Variants in ATP9B observed in about 807,000 individuals in gnomAD.
The protein encoded by ATP9B is probable phospholipid-transporting ATPase IIB.
ATP9B carries 110 observed loss-of-function variants against 146.1 expected under a neutral mutation model. The observed-to-expected ratio is 0.75, with a 90% confidence interval of 0.65 to 0.88. The LOEUF is 0.88. ATP9B is among the 40% of genes least tolerant of loss of function. ATP9B has a pLI of 0.00. For missense variants in ATP9B, 1,499 were observed against 1,496.4 expected (o/e 1.00, Z -0.03); for synonymous variants, 604 against 569.7 (o/e 1.06, Z -0.86).
At chr18:79,186,981 TC>T (rs1414682453) in intron 8 of ATP9B, among the ~76,000 whole-genome samples, 4 of 152,204 alleles carry the variant, frequency 2.6e-5, no homozygotes, top group Non-Finnish European at 5.9e-5. Flanking sequence ...GGGTCTGAGT[TC>T]CTGCTCCCGC....
chr18:79,070,158 A>G (rs991683307), intron 1 of ATP9B, among the ~76,000 whole-genome samples: 6 of 152,228 alleles, frequency 3.9e-5, no homozygotes, highest in African/African-American at 1.4e-4. Flanking sequence ...TCGAGATTGC[A>G]TTTAGCTCAT....
chr18:79,259,154 C>A (rs4594317), intron 12 of ATP9B, among the ~76,000 whole-genome samples: 151,742 of 152,368 alleles, frequency 1, 75,567 homozygotes, highest in Middle Eastern at 1. Context: ...TACAATTTAC[C>A]TTGTAAATTT....
chr18:79,149,842 G>C (rs1191877540), intron 6 of ATP9B, among the ~76,000 whole-genome samples: 1 of 152,132 alleles, frequency 6.6e-6, no homozygotes, highest in Non-Finnish European at 1.5e-5. Flanking sequence ...CAGCACTTTG[G>C]GAGGTCGAAG....
chr18:79,195,015 G>C (rs1402023420), intron 9 of ATP9B, among the ~76,000 whole-genome samples: 3 of 152,186 alleles, frequency 2.0e-5, no homozygotes, highest in East Asian at 3.8e-4. Context: ...CTGGTAAAGA[G>C]TTGGTGGCTC....
chr18:79,219,773 G>A (rs935899741), intron 11 of ATP9B, among the ~76,000 whole-genome samples: 4 of 151,994 alleles, frequency 2.6e-5, no homozygotes, highest in South Asian at 2.1e-4. Context: ...ATTGCTTTAC[G>A]TTCCTGAGGT....
At chr18:79,337,217 CTG>C in intron 18 of ATP9B, 60 bp from the exon 19 acceptor site, 1 of 1,590,310 alleles carries the variant, frequency 6.3e-7, no homozygotes, top group East Asian at 2.3e-5. Context: ...CAGTCCAGCT[CTG>C]TGGAGTCCAC....
chr18:79,292,716 G>A (rs1295912363), intron 13 of ATP9B, among the ~76,000 whole-genome samples: 1 of 151,560 alleles, frequency 6.6e-6, no homozygotes, highest in Non-Finnish European at 1.5e-5. Flanking sequence ...GCTGCAGAGT[G>A]GGGGGTGGGT....
At chr18:79,372,637 G>T (rs1484072747) in intron 26 of ATP9B, 188 bp from the exon 27 acceptor site, 1 of 676,222 alleles carries the variant, frequency 1.5e-6, no homozygotes, top group East Asian at 2.8e-5. Flanking sequence ...GTGGGACCCA[G>T]GCAGCTTCTT....
intron 7 of ATP9B, among the ~76,000 whole-genome samples, chr18:79,167,918 C>T (rs2095001783): frequency 6.6e-6 from 1 of 152,074 alleles, no homozygotes; most frequent in Non-Finnish European, 1.5e-5. Context: ...CCCAAGGTTG[C>T]CTGCAGGCCT....
rs565408169 is a variant in ATP9B, at chr18:79,144,559, G to A, written c.726+699G>A. Among the ~76,000 whole-genome samples, 51 of 152,298 alleles carry A rather than the reference G, an allele frequency of 3.3e-4. 1 individual carries two copies. The highest frequency in any genetic ancestry group is 2.1e-3 in the South Asian group (10 of 4,830). ...TGCTGCTGCTGATCTGACAGGAGGC[G>A]GAGCTCAGGAGGTCATGCTCGCTTG... On this transcript the variant is annotated intron_variant, in intron 6 of 29. Transcript: ENST00000426216.
chr18:79,326,586 C>G (rs2096748372), intron 15 of ATP9B, among the ~76,000 whole-genome samples: 1 of 152,144 alleles, frequency 6.6e-6, no homozygotes, highest in Admixed American at 6.5e-5. Context: ...TACCCTCCCT[C>G]CCTGAGCTCA....
chr18:79,355,733 C>A (rs2147752693), intron 25 of ATP9B, among the ~76,000 whole-genome samples: 1 of 152,268 alleles, frequency 6.6e-6, no homozygotes, highest in East Asian at 1.9e-4. Flanking sequence ...AAGGTGAAAA[C>A]CTCCCAGATT....
intron 15 of ATP9B, among the ~76,000 whole-genome samples, chr18:79,328,054 C>CTCCG (rs2096769467): frequency 5.0e-5 from 2 of 40,202 alleles, no homozygotes; most frequent in African/African-American, 1.1e-4. Flanking sequence ...CGTGCTCTCT[C>CTCCG]TGGTTAGCGT....
rs911658150 is a variant in ATP9B, at chr18:79,069,475, G to A, written c.65G>A (p.Arg22His). Residue 22 changes from arginine to histidine, a missense_variant, in exon 1 of 30, where the codon CGC (arginine) becomes CAC (histidine). Physicochemically the swap from Arg to His is conservative, Grantham distance 29. Coordinates refer to ENST00000426216, the MANE Select transcript of ATP9B (RefSeq NM_198531.5). ...GCGGCGGCCGCAGCCAACCGCAAACGCGCGGCCTACTACAGCGCCGCGGGG... is the reference window on the plus strand; with the variant it reads ...GCGGCGGCCGCAGCCAACCGCAAACACGCGGCCTACTACAGCGCCGCGGGG... ...SAAAAAANRK[R>H]AAYYSAAGPR... 11 of 1,502,884 alleles carry A rather than the reference G, an allele frequency of 7.3e-6. No individual in the cohort carries two copies. The highest frequency in any genetic ancestry group is 1.4e-5 in the African/African-American group (1 of 69,428). 93.1% of individuals were successfully genotyped at this position (1,502,884 alleles called of 1,614,324 possible).
chr18:79,124,639 A>C (rs2094249981), intron 4 of ATP9B, among the ~76,000 whole-genome samples: 1 of 152,264 alleles, frequency 6.6e-6, no homozygotes. Context: ...GAGACTACTC[A>C]TAGTTCCCTG....
chr18:79,298,696 T>A (rs948344384), intron 13 of ATP9B, among the ~76,000 whole-genome samples: 1 of 146,772 alleles, frequency 6.8e-6, no homozygotes, highest in Non-Finnish European at 1.5e-5. Context: ...TAAGCTGCAG[T>A]CATCAAGACT....
intron 2 of ATP9B, among the ~76,000 whole-genome samples, chr18:79,105,451 A>T (rs1321443650): frequency 2.0e-5 from 3 of 152,220 alleles, no homozygotes; most frequent in Non-Finnish European, 4.4e-5. Flanking sequence ...GGATCATTTT[A>T]AAATTATTAT....
At chr18:79,258,542 T>C (rs750517277) in intron 12 of ATP9B, among the ~76,000 whole-genome samples, 3 of 152,246 alleles carry the variant, frequency 2.0e-5, no homozygotes, top group Non-Finnish European at 4.4e-5. Flanking sequence ...CTTACAAATA[T>C]GACTATGCAT....
intron 20 of ATP9B, chr18:79,344,061 G>A (rs2096872918): frequency 1.7e-6 from 1 of 595,742 alleles, no homozygotes; most frequent in Non-Finnish European, 3.0e-6. Context: ...AAAATGATTG[G>A]CGTTAACTGA....
Sources: allele counts gnomAD v4.1 joint callset (sites outside exome capture counted in the v4.1 genomes callset), GRCh38; gene constraint gnomAD v4.1.1; transcripts MANE v1.5; gene names NCBI Gene and HGNC (gene_info 2026-07-23, HGNC 2026-07-21).